The following NOL4 variants were observed in gnomAD, a reference collection of about 807,000 sequenced individuals.
The protein encoded by NOL4 is cancer/testis antigen 125.
In NOL4, 17 loss-of-function variants were observed where a neutral mutation model predicts 75.9. The ratio of observed to expected loss-of-function variants is 0.22; its 90% CI spans 0.15 to 0.34. NOL4 has a LOEUF of 0.34. Among genes scored for constraint, NOL4 ranks in the 10% least tolerant of loss-of-function variants. The probability of loss-of-function intolerance (pLI) is 1.00; values close to 1 mark genes in which losing one functional copy is unlikely to be tolerated. For missense variants in NOL4, 614 were observed against 793.5 expected (o/e 0.77, Z 2.72); for synonymous variants, 292 against 289.9 (o/e 1.01, Z -0.07).
In NOL4 at chr18:33,851,233, A is replaced by G. The variant is rs1001620007; in HGVS notation, c.*1609T>C. 1 of 152,514 alleles carries G rather than the reference A, an allele frequency of 6.6e-6. No homozygotes were observed. Among genetic ancestry groups the G allele is most frequent in the African/African-American group, 2.4e-5 (1 of 41,442 alleles). 9.4% of individuals were successfully genotyped at this position (152,514 alleles called of 1,614,324 possible). A position where few individuals can be genotyped will look rare whatever the true frequency, so the allele number is the denominator to read the frequency against. ...TTAAAAGATGTTTGTGCAGCTATGT[A>G]TTTCCAAAATACTCATATTTCAATA... is the stretch of plus-strand genomic sequence containing the variant. On this transcript the variant is annotated 3_prime_UTR_variant, in exon 11 of 11. Coordinates refer to ENST00000261592, the MANE Select transcript of NOL4 (RefSeq NM_003787.5).
At chr18:34,108,709 G>C (rs531409047) in intron 2 of NOL4, among the ~76,000 whole-genome samples, 1 of 152,144 alleles carries the variant, frequency 6.6e-6, no homozygotes, top group Admixed American at 6.6e-5. Context: ...AATGTTAATA[G>C]AACTGAGGGA....
chr18:33,919,354 A>G (rs1346103012), intron 9 of NOL4, among the ~76,000 whole-genome samples: 1 of 152,066 alleles, frequency 6.6e-6, no homozygotes, highest in Non-Finnish European at 1.5e-5. Context: ...AAATTGAGGG[A>G]AGGAATTTGA....
intron 5 of NOL4, among the ~76,000 whole-genome samples, chr18:34,023,920 C>T (rs149624031): frequency 1.3e-5 from 2 of 151,610 alleles, no homozygotes; most frequent in East Asian, 3.9e-4. Flanking sequence ...TAGTAGAGAC[C>T]CTAGAAATAC....
intron 9 of NOL4, among the ~76,000 whole-genome samples, chr18:33,888,433 T>G (rs908439319): frequency 2.2e-4 from 34 of 152,282 alleles, no homozygotes; most frequent in African/African-American, 7.9e-4. Flanking sequence ...TTAGATCCCA[T>G]TTGTCAATTT....
At chr18:33,898,377 TC>T (rs2065545413) in intron 9 of NOL4, among the ~76,000 whole-genome samples, 2 of 152,190 alleles carry the variant, frequency 1.3e-5, no homozygotes, top group African/African-American at 4.8e-5. Context: ...GTCTCAGTTT[TC>T]CCCTCTGAGG....
Position 34,025,115 on chromosome 18 carries a change from G to A in NOL4, c.773-5514C>T, listed in dbSNP as rs369065622. ...TTTTAATCTCATTTTATAAAAATCT[G>A]GAAAAATTTCAGAAAAAGAAGCCAA... On this transcript the variant is annotated intron_variant, in intron 5 of 10. Transcript: ENST00000261592. Among the ~76,000 whole-genome samples, 7 of 151,996 alleles carry A rather than the reference G, an allele frequency of 4.6e-5. No individual in the cohort carries two copies. In the East Asian group the frequency reaches 7.7e-4, roughly 17 times the overall value.
intron 9 of NOL4, among the ~76,000 whole-genome samples, chr18:33,939,940 CAT>C (rs1270363222): frequency 3.3e-5 from 5 of 151,902 alleles, no homozygotes; most frequent in African/African-American, 1.2e-4. Flanking sequence ...AGCCAACAAA[CAT>C]ATGAAAAAAA....
intron 6 of NOL4, among the ~76,000 whole-genome samples, chr18:33,999,750 C>G (rs1221735485): frequency 1.3e-5 from 2 of 152,122 alleles, no homozygotes; most frequent in Non-Finnish European, 2.9e-5. Flanking sequence ...CTCAAAGGTT[C>G]AAGCAATTCT....
At chr18:34,012,216 T>G (rs996050356) in intron 6 of NOL4, among the ~76,000 whole-genome samples, 95 of 152,056 alleles carry the variant, frequency 6.2e-4, no homozygotes, top group African/African-American at 2.2e-3. Context: ...AATTTCCTCG[T>G]CTGTAAAATG....
intron 4 of NOL4, among the ~76,000 whole-genome samples, chr18:34,099,753 T>C (rs2078958444): frequency 6.6e-6 from 1 of 152,122 alleles, no homozygotes; most frequent in African/African-American, 2.4e-5. Flanking sequence ...TATATTCTTA[T>C]GTGGCTAGAA....
At chr18:33,974,379 G>A (rs2071330161) in intron 6 of NOL4, among the ~76,000 whole-genome samples, 1 of 152,120 alleles carries the variant, frequency 6.6e-6, no homozygotes, top group Admixed American at 6.6e-5. Flanking sequence ...CTCCATATCA[G>A]CAATAAAGCT....
chr18:34,029,544 T>C (rs1410579371), intron 5 of NOL4, among the ~76,000 whole-genome samples: 1 of 152,152 alleles, frequency 6.6e-6, no homozygotes, highest in African/African-American at 2.4e-5. Context: ...CAAAGCCCAC[T>C]TAACACTCAG....
chr18:34,160,691 A>G (rs986619510), intron 1 of NOL4, among the ~76,000 whole-genome samples: 3 of 152,180 alleles, frequency 2.0e-5, no homozygotes, highest in African/African-American at 7.2e-5. Context: ...AAAAATTTTA[A>G]TTGGCACAAT....
chr18:33,960,925 T>G (rs2070062923), intron 6 of NOL4, among the ~76,000 whole-genome samples: 2 of 152,194 alleles, frequency 1.3e-5, no homozygotes, highest in South Asian at 4.1e-4. Flanking sequence ...ATTTCATTAT[T>G]TAACATCTAA....
chr18:34,117,952 A>C (rs966470086), intron 2 of NOL4, among the ~76,000 whole-genome samples: 5 of 152,234 alleles, frequency 3.3e-5, no homozygotes, highest in African/African-American at 1.2e-4. Context: ...AAGATTTATC[A>C]ACCAAAATTA....
At chr18:34,023,995 G>C (rs2075187571) in intron 5 of NOL4, among the ~76,000 whole-genome samples, 1 of 151,232 alleles carries the variant, frequency 6.6e-6, no homozygotes. Flanking sequence ...TCAACAATTA[G>C]CTCTCTCTGT....
intron 4 of NOL4, among the ~76,000 whole-genome samples, chr18:34,099,167 AG>A (rs1452698384): frequency 1.3e-5 from 2 of 151,666 alleles, no homozygotes; most frequent in African/African-American, 4.8e-5. Flanking sequence ...GTTTGAGACC[AG>A]CCTGGCCAAC....
At chr18:33,919,088 T>C (rs2066888194) in intron 9 of NOL4, among the ~76,000 whole-genome samples, 1 of 152,144 alleles carries the variant, frequency 6.6e-6, no homozygotes, top group East Asian at 1.9e-4. Flanking sequence ...TAGGACTTGT[T>C]GAAGTAAATC....
At chr18:34,100,007 C>T (rs950003916) in intron 4 of NOL4, among the ~76,000 whole-genome samples, 7 of 151,096 alleles carry the variant, frequency 4.6e-5, no homozygotes, top group Non-Finnish European at 1.0e-4. Flanking sequence ...TCTTCTCAAA[C>T]TTTCACCACC....
Sources: gnomAD v4.1 joint callset for allele counts (sites outside exome capture counted in the v4.1 genomes callset) on GRCh38, gnomAD v4.1.1 for gene constraint, MANE v1.5 for transcripts, NCBI Gene and HGNC (gene_info 2026-07-23, HGNC 2026-07-21) for gene names.